Variants in TCFL5 observed in about 807,000 individuals in gnomAD.
The protein encoded by TCFL5 is transcription factor like 5, also known as transcription factor-like 5 protein.
In TCFL5, 9 loss-of-function variants were observed where a neutral mutation model predicts 44.3. The ratio of observed to expected loss-of-function variants is 0.20; its 90% CI spans 0.12 to 0.35. The LOEUF (loss-of-function observed/expected upper bound fraction) is 0.35. Ranked by LOEUF, TCFL5 falls within the 10% of genes least tolerant of loss-of-function variation. TCFL5 has a pLI of 1.00. For synonymous variants in TCFL5, 319 were observed against 271.6 expected (o/e 1.17, Z -1.72); for missense variants, 603 against 613.4 (o/e 0.98, Z 0.18).
rs2063679479 is a variant in TCFL5, at chr20:62,841,463, A to G, written c.*512T>C. 6.5e-6 allele frequency: 1 copy of G among 154,620 alleles called. No individual in the cohort carries two copies. Among genetic ancestry groups the G allele is most frequent in the Non-Finnish European group, 1.4e-5 (1 of 69,650 alleles). The allele number at this position is 154,620 out of a possible 1,614,324, so 9.6% of individuals were successfully genotyped here. A position where few individuals can be genotyped will look rare whatever the true frequency, so the allele number is the denominator to read the frequency against. On this transcript the variant is annotated 3_prime_UTR_variant, in exon 6 of 6. Transcript: ENST00000335351. ...GCACACAGGTTTAAAATGGTCCTGC[A>G]CGTTGCAATACAGCAGCACGTGACT...
intron 5 of TCFL5, among the ~76,000 whole-genome samples, chr20:62,844,386 G>A (rs911798596): frequency 8.5e-5 from 13 of 152,092 alleles, no homozygotes; most frequent in African/African-American, 2.7e-4. Flanking sequence ...CTGGAGAAAT[G>A]TCTATTCAAG....
At chr20:62,845,657 G>A (rs763761570) in intron 5 of TCFL5, 96 of 1,605,494 alleles carry the variant, frequency 6.0e-5, no homozygotes, top group Non-Finnish European at 7.0e-5. Context: ...AGCAACCCCC[G>A]CTGACCATGG....
At chr20:62,847,209 AT>A (rs1430630652) in intron 5 of TCFL5, among the ~76,000 whole-genome samples, 2 of 151,872 alleles carry the variant, frequency 1.3e-5, no homozygotes, top group Admixed American at 6.6e-5. Flanking sequence ...ATTACAAGCT[AT>A]TTAAAACTGA....
intron 5 of TCFL5, chr20:62,846,156 A>G (rs1305468429): frequency 8.4e-7 from 1 of 1,196,124 alleles, no homozygotes; most frequent in South Asian, 1.3e-5. Context: ...ATCTAAATTT[A>G]AAAGACGATA....
intron 3 of TCFL5, among the ~76,000 whole-genome samples, chr20:62,858,154 G>A (rs1385932283): frequency 1.3e-5 from 2 of 152,214 alleles, no homozygotes; most frequent in African/African-American, 4.8e-5. Context: ...GTGTGTGTGT[G>A]CCCTCGCCGC....
intron 4 of TCFL5, among the ~76,000 whole-genome samples, chr20:62,856,257 A>G (rs1328503036): frequency 6.6e-6 from 1 of 150,464 alleles, no homozygotes; most frequent in Non-Finnish European, 1.5e-5. Context: ...CGTCTCAAAA[A>G]AAAAAAAAAA....
chr20:62,844,582 G>GTTTT (rs745684819), intron 5 of TCFL5, among the ~76,000 whole-genome samples: 20 of 120,554 alleles, frequency 1.7e-4, no homozygotes, highest in African/African-American at 6.8e-4. Flanking sequence ...TTTGTTTTTT[G>GTTTT]TTTTTTTTTT....
At chr20:62,856,496 AG>A (rs1167696127) in intron 4 of TCFL5, among the ~76,000 whole-genome samples, 1 of 151,786 alleles carries the variant, frequency 6.6e-6, no homozygotes, top group African/African-American at 2.4e-5. Flanking sequence ...CGAGGTCAGG[AG>A]ATCAAGACCA....
intron 1 of TCFL5, 31 bp downstream of exon 1, chr20:62,860,993 C>T: frequency 2.0e-6 from 2 of 992,070 alleles, no homozygotes; most frequent in South Asian, 9.0e-5. Flanking sequence ...TCCACCCGGG[C>T]CCCGCCAGCC....
chr20:62,857,130 T>C (rs2063905630), intron 4 of TCFL5, among the ~76,000 whole-genome samples: 1 of 152,180 alleles, frequency 6.6e-6, no homozygotes, highest in Non-Finnish European at 1.5e-5. Flanking sequence ...CACGCGCCTT[T>C]GCTGATCGCA....
chr20:62,853,047 G>C (rs539486536), intron 5 of TCFL5, among the ~76,000 whole-genome samples: 3 of 148,826 alleles, frequency 2.0e-5, no homozygotes, highest in African/African-American at 5.0e-5. Context: ...ATAGTCACCC[G>C]GTCCACAGAA....
Position 62,842,020 on chromosome 20 carries a change from A to G in TCFL5, c.1458T>C (p.Pro486=), listed in dbSNP as rs558074893. 8.1e-6 allele frequency: 13 copies of G among 1,614,254 alleles called. No homozygotes were observed. In the South Asian group the frequency reaches 8.8e-5, roughly 11 times the overall value. ...GGCTGCTCTGTAAACTCCCCTGTGCAGGACAGGTCACCAAGGAGTCCGGTC... is the reference window on the plus strand; with the variant it reads ...GGCTGCTCTGTAAACTCCCCTGTGCGGGACAGGTCACCAAGGAGTCCGGTC... ...LTRPDSLVTC[P]AQGSLQSSPS... The change falls in exon 6 of 6, where the codon CCT becomes CCC. Residue 486 remains proline, a synonymous_variant. Transcript: ENST00000335351. The surrounding 1 kb of genome is among the most constrained non-coding windows in gnomAD (Gnocchi z 4.3).
intron 4 of TCFL5, among the ~76,000 whole-genome samples, chr20:62,855,628 T>C (rs1277532970): frequency 6.6e-6 from 1 of 152,108 alleles, no homozygotes; most frequent in Non-Finnish European, 1.5e-5. Context: ...TAGCTGGGCG[T>C]GGTGACGCAT....
rs2064018450 is a variant in TCFL5 at position 62,861,737 on chromosome 20, G to GGGAGGCGGGAGGCC, written c.-68_-67insGGCCTCCCGCCTCC. 6.8e-6 allele frequency: 1 copy of GGGAGGCGGGAGGCC among 147,672 alleles called. No individual in the cohort carries two copies. Among genetic ancestry groups the GGGAGGCGGGAGGCC allele is most frequent in the Non-Finnish European group, 1.5e-5 (1 of 66,290 alleles). 9.1% of individuals were successfully genotyped at this position (147,672 alleles called of 1,614,324 possible). The stretch of plus-strand genomic sequence containing the variant: ...CGGCGGGCGGCGGGAGGCGGGAGGC[G>GGGAGGCGGGAGGCC]GGAGGCGGGAGGCGACCCCCGGCCC... On this transcript the variant is annotated 5_prime_UTR_variant, in exon 1 of 6. Coordinates refer to ENST00000335351, the MANE Select transcript of TCFL5 (RefSeq NM_006602.4). This position sits in a 1 kb window ranked among gnomAD's most constrained non-coding sequence, Gnocchi z 4.0.
rs190423310 is a variant in TCFL5, at chr20:62,858,185, A to G, written c.995-547T>C. Reference sequence around the variant, plus strand: ...GCCGCAGAAGTGGCTCTCCTCCCCAAAGCAGGAAGAAGTAGCGTCCGAGCT... The same window carrying G: ...GCCGCAGAAGTGGCTCTCCTCCCCAGAGCAGGAAGAAGTAGCGTCCGAGCT... On this transcript the variant is annotated intron_variant, in intron 3 of 5. Coordinates refer to ENST00000335351, the MANE Select transcript of TCFL5 (RefSeq NM_006602.4). Among the ~76,000 whole-genome samples the G allele has an allele frequency of 2.0e-5, 3 of 152,356 alleles. No homozygotes were observed. The East Asian group carries it at 5.8e-4, about 29-fold the overall frequency.
At chr20:62,843,044 G>C (rs1258298066) in intron 5 of TCFL5, among the ~76,000 whole-genome samples, 2 of 152,234 alleles carry the variant, frequency 1.3e-5, no homozygotes, top group Non-Finnish European at 2.9e-5. Context: ...CTGAGAGGAA[G>C]AGAGGGGCAC....
intron 5 of TCFL5, among the ~76,000 whole-genome samples, chr20:62,843,058 C>T (rs914299447): frequency 2.0e-5 from 3 of 152,178 alleles, no homozygotes; most frequent in Admixed American, 6.5e-5. Flanking sequence ...GGGGCACAGG[C>T]GACGGCCCGA....
chr20:62,855,941 G>A (rs77572425), intron 4 of TCFL5, among the ~76,000 whole-genome samples: 208 of 151,972 alleles, frequency 1.4e-3, no homozygotes, highest in African/African-American at 4.8e-3. Flanking sequence ...TATAGATTAG[G>A]GAAATATTCT....
rs527471294 is a variant in TCFL5, at chr20:62,852,814, C to T, written c.1380+1202G>A. ...CACCCGGTCCGCAGAAGTATATTCA[C>T]CGAGTCCACAAAGGTATAGTCAACC... On this transcript the variant is annotated intron_variant, in intron 5 of 5. Coordinates refer to ENST00000335351, the MANE Select transcript of TCFL5 (RefSeq NM_006602.4). The T allele has an allele frequency of 9.6e-4, 1,234 of 1,289,612 alleles. 19 individuals carry two copies. The South Asian group carries it at 0.014, about 15-fold the overall frequency. 79.9% of individuals were successfully genotyped at this position (1,289,612 alleles called of 1,614,324 possible). A position where few individuals can be genotyped will look rare whatever the true frequency, so the allele number is the denominator to read the frequency against.
Sources: allele counts gnomAD v4.1 joint callset (sites outside exome capture counted in the v4.1 genomes callset), GRCh38; gene constraint gnomAD v4.1.1; non-coding constraint Gnocchi (gnomAD v3.1); transcripts MANE v1.5; gene names NCBI Gene and HGNC (gene_info 2026-07-23, HGNC 2026-07-21).